The following PRR5L variants were observed in gnomAD, a reference collection of about 807,000 sequenced individuals.
PRR5L encodes proline-rich protein 5-like.
Under a neutral mutation model 36.4 loss-of-function variants are expected in PRR5L, and 21 were observed. The ratio of observed to expected loss-of-function variants is 0.58; its 90% confidence interval spans 0.41 to 0.83. The LOEUF is 0.83. PRR5L is among the 40% of genes least tolerant of loss of function. The pLI is 0.00. For missense variants in PRR5L, 381 were observed against 473.3 expected, an observed-to-expected ratio of 0.80 and a Z score of 1.81; for synonymous variants, 188 against 197.0, an observed-to-expected ratio of 0.95 and a Z score of 0.38.
intron 6 of PRR5L, among the ~76,000 whole-genome samples, chr11:36,444,743 T>C (rs1445010696): frequency 1.3e-5 from 2 of 152,228 alleles, no homozygotes; most frequent in African/African-American, 4.8e-5. Context: ...TTCCTTTTTC[T>C]CTCTTCCCAC....
intron 1 of PRR5L, chr11:36,379,349 TGCAG>T (rs1857331133): frequency 6.6e-6 from 1 of 150,968 alleles, no homozygotes; most frequent in Admixed American, 6.7e-5. Flanking sequence ...TCTCTTAAAT[TGCAG>T]CCTTTTTCCT....
At chr11:36,374,191 G>T (rs1385684206) in intron 1 of PRR5L, among the ~76,000 whole-genome samples, 9 of 151,132 alleles carry the variant, frequency 6.0e-5, no homozygotes, top group African/African-American at 2.2e-4. Context: ...CACCTCCCAG[G>T]TTCAAGCAAT....
At chr11:36,362,797 T>C (rs1271649605) in intron 1 of PRR5L, among the ~76,000 whole-genome samples, 1 of 151,794 alleles carries the variant, frequency 6.6e-6, no homozygotes, top group Non-Finnish European at 1.5e-5. Flanking sequence ...TTATAATTTG[T>C]GAGTGGCGAC....
intron 6 of PRR5L, among the ~76,000 whole-genome samples, chr11:36,443,260 C>T (rs946988564): frequency 2.6e-5 from 4 of 152,114 alleles, no homozygotes; most frequent in Non-Finnish European, 5.9e-5. Context: ...AGGCACCAGG[C>T]TCTTTTAAAC....
In PRR5L at chr11:36,463,330, G is replaced by A. The variant is rs1391098609; in HGVS notation, c.*594G>A. 6.6e-6 allele frequency: 1 copy of A among 152,244 alleles called. No homozygotes were observed. Among genetic ancestry groups the A allele is most frequent in the African/African-American group, 2.4e-5 (1 of 41,426 alleles). 9.4% of individuals were successfully genotyped at this position (152,244 alleles called of 1,614,324 possible). A position where few individuals can be genotyped will look rare whatever the true frequency, so the allele number is the denominator to read the frequency against. On this transcript the variant is annotated 3_prime_UTR_variant, in exon 9 of 9. Transcript: ENST00000530639. Reference sequence around the variant, plus strand: ...GGAAAGTTACCCCACTGGTGGGTGAGGATCTATCCTCAACCTACATCCAGA... The same window carrying A: ...GGAAAGTTACCCCACTGGTGGGTGAAGATCTATCCTCAACCTACATCCAGA...
chr11:36,325,741 G>C (rs951485510), intron 1 of PRR5L, among the ~76,000 whole-genome samples: 2 of 152,144 alleles, frequency 1.3e-5, no homozygotes, highest in Admixed American at 1.3e-4. Context: ...GGGAAATCCA[G>C]CTACTCCTGT....
intron 1 of PRR5L, among the ~76,000 whole-genome samples, chr11:36,392,129 G>T (rs1857575540): frequency 2.0e-5 from 3 of 152,288 alleles, no homozygotes; most frequent in Non-Finnish European, 2.9e-5. Context: ...CACCCATGTT[G>T]TTGCAAATGA....
chr11:36,423,707 G>T (rs541407023), intron 4 of PRR5L, among the ~76,000 whole-genome samples: 2 of 152,224 alleles, frequency 1.3e-5, no homozygotes, highest in Admixed American at 6.5e-5. Context: ...ATCTACACAG[G>T]GGGGCTTTGA....
At chr11:36,389,484 G>A (rs11601958) in intron 1 of PRR5L, among the ~76,000 whole-genome samples, 79,653 of 152,048 alleles carry the variant, frequency 0.52, 23,028 homozygotes, top group Non-Finnish European at 0.66. Context: ...TGACAGACAA[G>A]GACACTGAAA....
In PRR5L at chr11:36,331,455, TA is replaced by T. The variant is rs749185227; in HGVS notation, c.-126+35020del. ...TTTAGAAAAAAAGATTTGGTTCTCTTAAATAAACAAAAACATGATAAAGATA... is the reference window on the plus strand; with the variant it reads ...TTTAGAAAAAAAGATTTGGTTCTCTTAATAAACAAAAACATGATAAAGATA... On this transcript the variant is annotated intron_variant, in intron 1 of 8. Coordinates refer to ENST00000530639, the MANE Select transcript of PRR5L (RefSeq NM_001160167.2). Among the ~76,000 whole-genome samples the T allele has an allele frequency of 3.7e-3, 556 of 152,272 alleles. 2 individuals carry two copies. Among genetic ancestry groups the T allele is most frequent in the Non-Finnish European group, 6.2e-3 (424 of 68,014 alleles).
At position 36,346,975 on chromosome 11, in the gene PRR5L, CT is replaced by C. The variant is rs564022218; in HGVS notation, c.-126+50540del. On this transcript the variant is annotated intron_variant, in intron 1 of 8. Coordinates refer to ENST00000530639, the MANE Select transcript of PRR5L (RefSeq NM_001160167.2). ...TAGGCGTGGCTGTGTTCCAATAAAA[CT>C]TTATTTACAAAAGCAAGCAGTGGAT... Among the ~76,000 whole-genome samples the C allele has an allele frequency of 1.5e-3, 232 of 152,310 alleles. 1 individual carries two copies. The Middle Eastern group carries it at 0.02, about 13-fold the overall frequency.
chr11:36,401,024 A>G lies in PRR5L; in HGVS notation c.-98A>G. On this transcript the variant is annotated 5_prime_UTR_variant, in exon 2 of 9. Coordinates refer to ENST00000530639, the MANE Select transcript of PRR5L (RefSeq NM_001160167.2). ...GTTGGCTACGTTTGTGGTTTTAAGA[A>G]AGCCTGAGGGCCTGAAGGCAGCCCC... is the stretch of plus-strand genomic sequence containing the variant. The G allele has an allele frequency of 6.6e-7, 1 of 1,505,886 alleles. No homozygotes were observed. Among genetic ancestry groups the G allele is most frequent in the Non-Finnish European group, 8.9e-7 (1 of 1,127,970 alleles). The allele number at this position is 1,505,886 out of a possible 1,614,324, so 93.3% of individuals were successfully genotyped here.
intron 1 of PRR5L, among the ~76,000 whole-genome samples, chr11:36,305,419 G>C (rs566185610): frequency 6.6e-6 from 1 of 152,322 alleles, no homozygotes; most frequent in East Asian, 1.9e-4. Context: ...TGGGTATGAA[G>C]TTTCCTTTTT....
chr11:36,302,049 G>C (rs369784104), intron 1 of PRR5L, among the ~76,000 whole-genome samples: 4 of 152,306 alleles, frequency 2.6e-5, no homozygotes, highest in Middle Eastern at 6.8e-3. Context: ...GAGTATATGG[G>C]AGTTTACTGT....
intron 1 of PRR5L, among the ~76,000 whole-genome samples, chr11:36,385,538 G>A (rs776176945): frequency 5.9e-5 from 9 of 152,204 alleles, no homozygotes; most frequent in Non-Finnish European, 1.3e-4. Flanking sequence ...ACACTTGAGC[G>A]TGTATCCTGT....
chr11:36,393,589 T>C (rs1461955550), intron 1 of PRR5L, among the ~76,000 whole-genome samples: 1 of 152,234 alleles, frequency 6.6e-6, no homozygotes, highest in African/African-American at 2.4e-5. Flanking sequence ...AGCTCTGTAG[T>C]ATAATTTGAA....
At chr11:36,419,641 A>C (rs1858220175) in intron 4 of PRR5L, among the ~76,000 whole-genome samples, 1 of 152,248 alleles carries the variant, frequency 6.6e-6, no homozygotes, top group African/African-American at 2.4e-5. Context: ...TTTAAGTAAT[A>C]AGCCTATTAC....
chr11:36,433,151 A>G (rs937890343), intron 5 of PRR5L, among the ~76,000 whole-genome samples: 2 of 152,184 alleles, frequency 1.3e-5, no homozygotes, highest in Admixed American at 6.5e-5. Flanking sequence ...TAATTTCAGT[A>G]CTTTACAGTT....
intron 1 of PRR5L, chr11:36,381,501 A>G (rs1024217386): frequency 6.6e-6 from 1 of 152,174 alleles, no homozygotes; most frequent in Non-Finnish European, 1.5e-5. Context: ...GTGTGTCTGT[A>G]TCAGACTTAA....
Sources: gnomAD v4.1 joint callset for allele counts (sites outside exome capture counted in the v4.1 genomes callset) on GRCh38, gnomAD v4.1.1 for gene constraint, MANE v1.5 for transcripts, NCBI Gene and HGNC (gene_info 2026-07-23, HGNC 2026-07-21) for gene names.